IDE: variants seen among roughly 807,000 people sequenced by gnomAD.
IDE encodes insulin degrading enzyme.
Under a neutral mutation model 133.2 loss-of-function variants are expected in IDE, and 58 were observed. The observed-to-expected ratio is 0.44, with a 90% CI of 0.35 to 0.54. The LOEUF (loss-of-function observed/expected upper bound fraction) is 0.54, where lower values mean the gene tolerates loss of function less well. IDE is among the 20% of genes least tolerant of loss of function. The pLI is 0.00. For missense variants in IDE, 981 were observed against 1,234.0 expected, an observed-to-expected ratio of 0.79 and a Z score of 3.07; for synonymous variants, 396 against 421.3, an observed-to-expected ratio of 0.94 and a Z score of 0.73.
chr10:92,515,084 T>C (rs767032037), intron 4 of IDE, 42 bp from the exon 5 acceptor site: 2 of 1,527,488 alleles, frequency 1.3e-6, no homozygotes, highest in Admixed American at 2.0e-5. Context: ...AAGCAAAATA[T>C]GTGGACTTTT....
intron 21 of IDE, among the ~76,000 whole-genome samples, chr10:92,463,111 A>T (rs1845485640): frequency 1.3e-5 from 2 of 152,220 alleles, no homozygotes; most frequent in African/African-American, 4.8e-5. Flanking sequence ...GAGGTCCAAA[A>T]AAGGTGTCTT....
chr10:92,537,587 CTTTATA>C (rs756455479), intron 1 of IDE, 37 bp from the exon 2 acceptor site: 1 of 1,449,290 alleles, frequency 6.9e-7, no homozygotes, highest in South Asian at 1.2e-5. Flanking sequence ...TGATTTGTGA[CTTTATA>C]TTTAAGGACA....
At chr10:92,572,274 C>CA (rs1458125482) in intron 1 of IDE, among the ~76,000 whole-genome samples, 4 of 152,174 alleles carry the variant, frequency 2.6e-5, no homozygotes, top group Non-Finnish European at 5.9e-5. Flanking sequence ...GAATTTAGAA[C>CA]AAAAGCAGAC....
chr10:92,573,079 T>C (rs907929305), intron 1 of IDE: 11 of 985,290 alleles, frequency 1.1e-5, no homozygotes, highest in Non-Finnish European at 1.2e-5. Flanking sequence ...ATAACGTTTC[T>C]AGGGAGGGCA....
intron 1 of IDE, among the ~76,000 whole-genome samples, chr10:92,550,070 A>G (rs1842708062): frequency 6.6e-6 from 1 of 152,164 alleles, no homozygotes; most frequent in Admixed American, 6.5e-5. Flanking sequence ...CGGGAGGCTG[A>G]GGCAGGAGAA....
intron 14 of IDE, among the ~76,000 whole-genome samples, chr10:92,482,716 G>A (rs1052347919): frequency 6.6e-6 from 1 of 151,568 alleles, no homozygotes; most frequent in East Asian, 1.9e-4. Flanking sequence ...TCAGCTAAAG[G>A]GCATACTCAT....
At chr10:92,520,032 G>A (rs1304095171) in intron 4 of IDE, among the ~76,000 whole-genome samples, 1 of 152,184 alleles carries the variant, frequency 6.6e-6, no homozygotes, top group African/African-American at 2.4e-5. Flanking sequence ...TTGAACCTGG[G>A]AGGTGGAGGT....
intron 11 of IDE, among the ~76,000 whole-genome samples, chr10:92,491,692 C>T (rs1273314245): frequency 6.6e-6 from 1 of 151,582 alleles, no homozygotes; most frequent in Non-Finnish European, 1.5e-5. Flanking sequence ...CTCACTGCAA[C>T]CTCTGCCTCC....
At chr10:92,499,666 A>T (rs1040070804) in intron 11 of IDE, among the ~76,000 whole-genome samples, 1 of 152,126 alleles carries the variant, frequency 6.6e-6, no homozygotes, top group Non-Finnish European at 1.5e-5. Flanking sequence ...TCCTGAGCTC[A>T]AGCAATCCTC....
chr10:92,534,717 T>C lies in IDE; in HGVS notation c.352A>G (p.Thr118Ala). The C allele has an allele frequency of 1.2e-6, 2 of 1,613,928 alleles. No homozygotes were observed. Among genetic ancestry groups the C allele is most frequent in the Non-Finnish European group, 1.7e-6 (2 of 1,179,892 alleles). The change falls in exon 3 of 25, where the codon ACA becomes GCA. Residue 118 changes from threonine to alanine, a missense_variant. Thr to Ala is a moderately conservative substitution (Grantham distance 58). This residue lies in a region of IDE where 321 missense variants were observed against 339.3 expected (regional missense o/e 0.95). Coordinates refer to ENST00000265986, the MANE Select transcript of IDE (RefSeq NM_004969.4). ...HFCEHMLFLG[T>A]KKYPKENEYS... The stretch of plus-strand genomic sequence containing the variant: ...TCATTTTCTTTAGGGTATTTCTTTG[T>C]TCCCAAAAAAAGCATATGTTCACAA...
In IDE at chr10:92,514,932, C is replaced by G. The variant is rs1053001165; in HGVS notation, c.772G>C (p.Val258Leu). 3.7e-6 allele frequency: 6 copies of G among 1,611,324 alleles called. No homozygotes were observed. The African/African-American group carries it at 4.0e-5, about 11-fold the overall frequency. ...TAAGGGTTCTTACCTCGACCTAAAACACAAACAGCCATTAAGTTGGATGAA... is the reference window on the plus strand; with the variant it reads ...TAAGGGTTCTTACCTCGACCTAAAAGACAAACAGCCATTAAGTTGGATGAA... ...YYSSNLMAVC[V>L]LGRESLDDLT... is the part of the protein sequence containing the mutation. Residue 258 changes from valine to leucine, a missense_variant, in exon 5 of 25, where the codon GTT becomes CTT. Val to Leu is a conservative substitution (Grantham distance 32). This residue lies in a region of IDE where 321 missense variants were observed against 339.3 expected (regional missense o/e 0.95). Coordinates refer to ENST00000265986, the MANE Select transcript of IDE (RefSeq NM_004969.4).
intron 5 of IDE, among the ~76,000 whole-genome samples, chr10:92,511,767 T>C (rs1041150720): frequency 1.3e-5 from 2 of 152,274 alleles, no homozygotes; most frequent in African/African-American, 2.4e-5. Context: ...CTGCCTATTA[T>C]ATGACAAGTG....
At chr10:92,564,320 T>G (rs886688668) in intron 1 of IDE, among the ~76,000 whole-genome samples, 2 of 152,074 alleles carry the variant, frequency 1.3e-5, no homozygotes, top group African/African-American at 4.8e-5. Context: ...TCCTGAAGGA[T>G]AGTCTCCAAG....
intron 1 of IDE, among the ~76,000 whole-genome samples, chr10:92,557,973 T>C (rs1843095096): frequency 6.6e-6 from 1 of 152,058 alleles, no homozygotes; most frequent in Non-Finnish European, 1.5e-5. Flanking sequence ...AAGATGAAGT[T>C]GGACTCTCAC....
At chr10:92,518,311 C>G (rs1301283272) in intron 4 of IDE, among the ~76,000 whole-genome samples, 2 of 152,152 alleles carry the variant, frequency 1.3e-5, no homozygotes, top group African/African-American at 4.8e-5. Context: ...TGGCCTTGAA[C>G]AAGTTACTTT....
intron 1 of IDE, chr10:92,573,249 C>T (rs1393665247): frequency 3.3e-6 from 3 of 905,012 alleles, no homozygotes; most frequent in African/African-American, 1.8e-5. Context: ...GCCACAATCT[C>T]GGCAGTTGCT....
chr10:92,508,706 A>G, intron 7 of IDE, 22 bp downstream of exon 7: 2 of 1,609,980 alleles, frequency 1.2e-6, no homozygotes. Context: ...GACACTCAGA[A>G]GATGCTGCCC....
At chr10:92,463,259 C>G (rs1270165765) in intron 21 of IDE, among the ~76,000 whole-genome samples, 2 of 152,144 alleles carry the variant, frequency 1.3e-5, no homozygotes, top group Non-Finnish European at 2.9e-5. Flanking sequence ...AGACAAGAGA[C>G]TTCAAGAATC....
At chr10:92,496,863 A>C (rs1466723651) in intron 11 of IDE, among the ~76,000 whole-genome samples, 1 of 152,252 alleles carries the variant, frequency 6.6e-6, no homozygotes, top group Admixed American at 6.5e-5. Flanking sequence ...TTAGGCAACT[A>C]CCAAATCCTA....
Sources: allele counts gnomAD v4.1 joint callset (sites outside exome capture counted in the v4.1 genomes callset), GRCh38; gene constraint gnomAD v4.1.1; regional missense constraint gnomAD v4.1.1; transcripts MANE v1.5; gene names NCBI Gene and HGNC (gene_info 2026-07-23, HGNC 2026-07-21).